MSH3: variants seen among roughly 807,000 people sequenced by gnomAD.
The protein encoded by MSH3 is mutS homolog 3, also known as DNA mismatch repair protein Msh3.
Under a neutral mutation model 123.3 loss-of-function variants are expected in MSH3, and 106 were observed. The observed-to-expected ratio is 0.86, with a 90% CI of 0.73 to 1.01. MSH3 has a LOEUF of 1.01. Ranked by LOEUF, MSH3 falls within the 50% of genes least tolerant of loss-of-function variation. The pLI is 0.00. For synonymous variants in MSH3, 515 were observed against 481.4 expected (o/e 1.07, Z -0.91); for missense variants, 1,459 against 1,347.6 (o/e 1.08, Z -1.29).
intron 20 of MSH3, among the ~76,000 whole-genome samples, chr5:80,825,592 T>C (rs1270729259): frequency 6.6e-6 from 1 of 152,064 alleles, no homozygotes; most frequent in Non-Finnish European, 1.5e-5. Context: ...AGGGAGTTTT[T>C]CTCAATCTAG....
At chr5:80,730,180 C>T (rs544466650) in intron 10 of MSH3, among the ~76,000 whole-genome samples, 1 of 152,262 alleles carries the variant, frequency 6.6e-6, no homozygotes, top group South Asian at 2.1e-4. Flanking sequence ...TGTTATATAG[C>T]AGTGAAAATG....
chr5:80,861,517 G>T lies in MSH3; in HGVS notation c.3001-3296G>T, dbSNP rs148401512. 4.3e-3 allele frequency among the ~76,000 whole-genome samples: 648 copies of T among 152,272 alleles called. 4 individuals carry two copies. Among genetic ancestry groups the T allele is most frequent in the African/African-American group, 0.014 (601 of 41,556 alleles). On this transcript the variant is annotated intron_variant, in intron 21 of 23. Coordinates refer to ENST00000265081, the MANE Select transcript of MSH3 (RefSeq NM_002439.5). ...GCTCCACTTAAGTAGTTTCTTCTGAGGGCAGACCTTGTTAAGAACAGAGTG... is the reference window on the plus strand; with the variant it reads ...GCTCCACTTAAGTAGTTTCTTCTGATGGCAGACCTTGTTAAGAACAGAGTG...
intron 18 of MSH3, among the ~76,000 whole-genome samples, chr5:80,788,842 A>C (rs1744561046): frequency 6.6e-6 from 1 of 152,194 alleles, no homozygotes; most frequent in South Asian, 2.1e-4. Flanking sequence ...AAAAAATACA[A>C]AATTAAATAA....
At chr5:80,657,462 A>C (rs1291584186) in intron 2 of MSH3, among the ~76,000 whole-genome samples, 1 of 152,266 alleles carries the variant, frequency 6.6e-6, no homozygotes, top group East Asian at 1.9e-4. Context: ...CAAACAAAAA[A>C]CAGCACAAAA....
At chr5:80,699,833 A>G (rs1750569283) in intron 8 of MSH3, among the ~76,000 whole-genome samples, 1 of 152,170 alleles carries the variant, frequency 6.6e-6, no homozygotes, top group African/African-American at 2.4e-5. Context: ...TGGGATCTAC[A>G]TGGCTAAGTT....
intron 17 of MSH3, among the ~76,000 whole-genome samples, chr5:80,783,789 G>A (rs1744449901): frequency 6.6e-6 from 1 of 152,150 alleles, no homozygotes; most frequent in Non-Finnish European, 1.5e-5. Context: ...GGCAAGGGCA[G>A]AAATACCAAA....
intron 20 of MSH3, among the ~76,000 whole-genome samples, chr5:80,829,489 A>G (rs1745381939): frequency 6.6e-6 from 1 of 152,196 alleles, no homozygotes; most frequent in Non-Finnish European, 1.5e-5. Context: ...GTCTGTTGAT[A>G]TGATCATGTG....
chr5:80,662,654 C>G (rs545615615), intron 2 of MSH3, among the ~76,000 whole-genome samples: 1 of 152,064 alleles, frequency 6.6e-6, no homozygotes, highest in East Asian at 1.9e-4. Flanking sequence ...TGATGAAACC[C>G]CGTCTCTACT....
intron 7 of MSH3, among the ~76,000 whole-genome samples, chr5:80,677,041 C>T (rs913997517): frequency 1.3e-5 from 2 of 152,174 alleles, no homozygotes; most frequent in African/African-American, 2.4e-5. Flanking sequence ...GCACCTCTCT[C>T]GAGCTCCAGG....
At chr5:80,661,388 G>C (rs1256338133) in intron 2 of MSH3, among the ~76,000 whole-genome samples, 2 of 152,088 alleles carry the variant, frequency 1.3e-5, no homozygotes, top group Admixed American at 6.5e-5. Context: ...CTACTGCTCT[G>C]TTTTCAAGTT....
intron 2 of MSH3, among the ~76,000 whole-genome samples, chr5:80,664,323 G>T (rs2112808151): frequency 6.6e-6 from 1 of 152,258 alleles, no homozygotes; most frequent in Non-Finnish European, 1.5e-5. Flanking sequence ...TGGTTTTCTT[G>T]GTAAACCCCT....
intron 20 of MSH3, among the ~76,000 whole-genome samples, chr5:80,836,748 G>A (rs1317274526): frequency 6.9e-6 from 1 of 144,238 alleles, no homozygotes; most frequent in African/African-American, 2.9e-5. Context: ...TAATGTAAAT[G>A]CTATGTAAAG....
chr5:80,824,397 G>GC (rs1561490199), intron 20 of MSH3, among the ~76,000 whole-genome samples: 1 of 150,410 alleles, frequency 6.6e-6, no homozygotes, highest in Non-Finnish European at 1.5e-5. Context: ...GACGGGGGCT[G>GC]CCCCCCACCT....
chr5:80,827,906 A>C (rs565541618), intron 20 of MSH3, among the ~76,000 whole-genome samples: 19 of 152,142 alleles, frequency 1.2e-4, no homozygotes, highest in Admixed American at 5.2e-4. Flanking sequence ...AAAGACTTTA[A>C]TTTTTCAGAG....
Position 80,728,944 on chromosome 5 carries a change from A to G in MSH3, c.1547A>G (p.Glu516Gly), listed in dbSNP as rs761992028. Residue 516 changes from glutamate (E) to glycine (G), a missense_variant, in exon 10 of 24, where the codon GAA becomes GGA. Transcript: ENST00000265081. Reference protein sequence around the residue: ...IIKYLKEFNLEKMLSKPENFK... With the variant: ...IIKYLKEFNLGKMLSKPENFK... ...AAATACCTCAAAGAATTCAACTTGG[A>G]AAAGATGCTCTCCAAACCTGAGTAA... 6.2e-7 allele frequency: 1 copy of G among 1,604,058 alleles called. No homozygotes were observed. The highest frequency in any genetic ancestry group is 8.5e-7 in the Non-Finnish European group (1 of 1,170,990).
rs1354985304 is a variant in MSH3 at position 80,810,292 on chromosome 5, T to C, written c.2656-3292T>C. ...GTATTCTGCATTGTAAATAATTGTT[T>C]TAACAATTGTACAAGTAGATCTATT... On this transcript the variant is annotated intron_variant, in intron 19 of 23. Transcript: ENST00000265081. 2.6e-5 allele frequency among the ~76,000 whole-genome samples: 4 copies of C among 151,674 alleles called. No homozygotes were observed. In the East Asian group the frequency reaches 7.7e-4, roughly 29 times the overall value.
chr5:80,701,536 T>C (rs1561449028), intron 8 of MSH3, among the ~76,000 whole-genome samples: 1 of 152,234 alleles, frequency 6.6e-6, no homozygotes, highest in Non-Finnish European at 1.5e-5. Flanking sequence ...ATACAGTTAC[T>C]GTCTGTCCTC....
intron 10 of MSH3, among the ~76,000 whole-genome samples, chr5:80,733,200 G>C (rs1206419710): frequency 6.6e-6 from 1 of 152,140 alleles, no homozygotes; most frequent in Non-Finnish European, 1.5e-5. Context: ...TTTGATTACT[G>C]ACAGGGGTGT....
intron 17 of MSH3, among the ~76,000 whole-genome samples, chr5:80,781,668 A>G (rs991059193): frequency 7.9e-5 from 12 of 151,954 alleles, no homozygotes; most frequent in Non-Finnish European, 1.6e-4. Flanking sequence ...GGGTTTCTCT[A>G]TGTTCCCCAG....
Sources: allele counts gnomAD v4.1 joint callset (sites outside exome capture counted in the v4.1 genomes callset), GRCh38; gene constraint gnomAD v4.1.1; transcripts MANE v1.5; gene names NCBI Gene and HGNC (gene_info 2026-07-23, HGNC 2026-07-21).